The following NRG1 variants were observed in gnomAD, a reference collection of about 807,000 sequenced individuals.
NRG1 encodes neuregulin 1.
A neutral mutation model predicts 63.8 loss-of-function variants in NRG1; 18 were observed. The observed-to-expected ratio is 0.28, with a 90% CI of 0.19 to 0.42. The LOEUF is 0.42. NRG1 is among the 10% of genes least tolerant of loss of function. NRG1 has a pLI of 1.00. For missense variants in NRG1, 762 were observed against 814.7 expected, an observed-to-expected ratio of 0.94 and a Z score of 0.79; for synonymous variants, 302 against 301.3, an observed-to-expected ratio of 1.00 and a Z score of -0.02.
chr8:31,960,637 G>T (rs555977025), intron 1 of NRG1, among the ~76,000 whole-genome samples: 4 of 152,288 alleles, frequency 2.6e-5, no homozygotes, highest in South Asian at 4.1e-4. Context: ...AGTCTACGGA[G>T]CTACTTTTGG....
intron 1 of NRG1, among the ~76,000 whole-genome samples, chr8:32,427,789 T>C (rs1212152451): frequency 6.6e-6 from 1 of 152,124 alleles, no homozygotes; most frequent in Non-Finnish European, 1.5e-5. Flanking sequence ...ATTGGAGAAA[T>C]ATGCTCAGTG....
At chr8:31,950,263 C>G (rs915107176) in intron 1 of NRG1, among the ~76,000 whole-genome samples, 2 of 152,160 alleles carry the variant, frequency 1.3e-5, no homozygotes, top group African/African-American at 2.4e-5. Flanking sequence ...GTTACAAATG[C>G]CTGTTAGTGT....
chr8:31,807,668 G>T (rs1822419231), intron 1 of NRG1, among the ~76,000 whole-genome samples: 1 of 152,060 alleles, frequency 6.6e-6, no homozygotes, highest in African/African-American at 2.4e-5. Context: ...GAACAATATT[G>T]TATAGTGGAT....
At chr8:32,015,834 G>A (rs931184911) in intron 1 of NRG1, among the ~76,000 whole-genome samples, 1 of 150,838 alleles carries the variant, frequency 6.6e-6, no homozygotes, top group South Asian at 2.1e-4. Flanking sequence ...CTTCCTCAAC[G>A]TAGAAGTTTT....
At chr8:31,954,848 G>A (rs185631664) in intron 1 of NRG1, among the ~76,000 whole-genome samples, 46 of 152,198 alleles carry the variant, frequency 3.0e-4, no homozygotes, top group African/African-American at 5.3e-4. Context: ...GTCTCTAGGC[G>A]TTCTAATTAT....
chr8:31,855,097 G>T (rs1478453769), intron 1 of NRG1, among the ~76,000 whole-genome samples: 1 of 152,008 alleles, frequency 6.6e-6, no homozygotes, highest in South Asian at 2.1e-4. Flanking sequence ...TGTTGATTTG[G>T]GGTGGAGAGT....
chr8:31,639,347 A>G (rs1290531565), exon 1 of NRG1: 1 of 1,531,840 alleles, frequency 6.5e-7, no homozygotes, highest in Non-Finnish European at 8.7e-7. Flanking sequence ...GGGGACGGGG[A>G]CGCCCAGGAG....
intron 1 of NRG1, among the ~76,000 whole-genome samples, chr8:32,334,519 A>G (rs747133658): frequency 2.8e-4 from 42 of 152,320 alleles, no homozygotes; most frequent in Non-Finnish European, 1.2e-4. Context: ...CAGATGATTC[A>G]TAGTTAAATA....
intron 1 of NRG1, among the ~76,000 whole-genome samples, chr8:32,414,597 G>T (rs980933949): frequency 1.3e-5 from 2 of 152,112 alleles, no homozygotes; most frequent in African/African-American, 4.8e-5. Context: ...ATCCTGGTGG[G>T]AGTATTTTAC....
At chr8:32,497,623 CT>C (rs1827365744) in intron 1 of NRG1, among the ~76,000 whole-genome samples, 2 of 152,146 alleles carry the variant, frequency 1.3e-5, no homozygotes, top group African/African-American at 4.8e-5. Flanking sequence ...AAACAGTTGA[CT>C]TTTCTCTGGT....
At chr8:32,067,254 C>T (rs1183285210) in intron 1 of NRG1, among the ~76,000 whole-genome samples, 2 of 152,114 alleles carry the variant, frequency 1.3e-5, no homozygotes, top group African/African-American at 4.8e-5. Context: ...AGAGGGCATC[C>T]CTGTCTTGTG....
chr8:32,537,642 C>T (rs907571484), intron 1 of NRG1, among the ~76,000 whole-genome samples: 4 of 152,106 alleles, frequency 2.6e-5, no homozygotes, highest in Non-Finnish European at 4.4e-5. Flanking sequence ...AAAGACCTGC[C>T]ATTTTCTTAG....
intron 1 of NRG1, among the ~76,000 whole-genome samples, chr8:32,557,786 G>A (rs886335969): frequency 6.6e-6 from 1 of 152,046 alleles, no homozygotes; most frequent in African/African-American, 2.4e-5. Context: ...TTTGTCAAGA[G>A]GAAACCAATA....
chr8:31,963,727 T>C (rs1043131667), intron 1 of NRG1, among the ~76,000 whole-genome samples: 1 of 152,144 alleles, frequency 6.6e-6, no homozygotes, highest in Admixed American at 6.5e-5. Flanking sequence ...GGTGAAACAA[T>C]CACGGTTTGT....
intron 1 of NRG1, among the ~76,000 whole-genome samples, chr8:31,821,537 G>GA (rs760798146): frequency 2.6e-5 from 4 of 152,142 alleles, no homozygotes; most frequent in Non-Finnish European, 4.4e-5. Context: ...TTGTGAGGCT[G>GA]AAGTACCTCA....
chr8:32,463,216 T>G (rs1822554842), intron 1 of NRG1, among the ~76,000 whole-genome samples: 1 of 152,166 alleles, frequency 6.6e-6, no homozygotes, highest in African/African-American at 2.4e-5. Context: ...ATTCTTAGGT[T>G]GTTTTCATAT....
At chr8:32,591,222 G>C (rs72634857) in intron 1 of NRG1, among the ~76,000 whole-genome samples, 42,978 of 152,054 alleles carry the variant, frequency 0.28, 6,194 homozygotes, top group South Asian at 0.36. Flanking sequence ...ACGCAGCAGG[G>C]ACATTATTAC....
Position 31,835,423 on chromosome 8 carries a change from A to G in NRG1, c.37+195992A>G, listed in dbSNP as rs186353414. ...AGTTTGTTTATCTGTGTCTTTGACT[A>G]GTAATAACGTTCAGCCTCATTAAAT... is the stretch of plus-strand genomic sequence containing the variant. On this transcript the variant is annotated intron_variant, in intron 1 of 10. Coordinates refer to the NRG1 transcript ENST00000519301. Among the ~76,000 whole-genome samples the G allele has an allele frequency of 5.2e-4, 79 of 152,320 alleles. 1 individual carries two copies. Among genetic ancestry groups the G allele is most frequent in the Non-Finnish European group, 5.1e-4 (35 of 68,026 alleles).
rs561808542 is a variant in NRG1, at chr8:31,846,110, A to G, written c.37+206679A>G. On this transcript the variant is annotated intron_variant, in intron 1 of 10. Transcript: ENST00000519301. ...AAGCAATCTTTTCACCCAAGGTTTT[A>G]AAATAACTGCTGATAAGACCTTCTC... Among the ~76,000 whole-genome samples the G allele has an allele frequency of 5.8e-4, 89 of 152,246 alleles. 1 individual carries two copies. The highest frequency in any genetic ancestry group is 1.3e-3 in the Non-Finnish European group (86 of 68,040).
Sources: gnomAD v4.1 joint callset for allele counts (sites outside exome capture counted in the v4.1 genomes callset) on GRCh38, gnomAD v4.1.1 for gene constraint, MANE v1.5 for transcripts, NCBI Gene and HGNC (gene_info 2026-07-23, HGNC 2026-07-21) for gene names.